Variants in TP53BP1 observed in about 807,000 individuals in gnomAD.
The protein encoded by TP53BP1 is tumor protein p53 binding protein 1.
TP53BP1 carries 61 observed loss-of-function variants against 200.8 expected under a neutral mutation model. That is an observed-to-expected ratio of 0.30 (90% CI 0.25 to 0.38). The LOEUF (loss-of-function observed/expected upper bound fraction) is 0.38. Ranked by LOEUF, TP53BP1 falls within the 10% of genes least tolerant of loss-of-function variation. The pLI, the probability that TP53BP1 is intolerant of heterozygous loss-of-function variation, is 1.00. For missense variants in TP53BP1, 2,144 were observed against 2,371.9 expected, an observed-to-expected ratio of 0.90 and a Z score of 2.00; for synonymous variants, 822 against 844.3, an observed-to-expected ratio of 0.97 and a Z score of 0.46.
At chr15:43,494,654 A>C (rs1176209014), upstream of TP53BP1, among the ~76,000 whole-genome samples, 2 of 152,172 alleles carry the variant, frequency 1.3e-5, no homozygotes, top group African/African-American at 4.8e-5. Context: ...CAAATCTAAT[A>C]CTTAAAGACC....
At chr15:43,460,896 C>A (rs1355963128) in intron 11 of TP53BP1, among the ~76,000 whole-genome samples, 2 of 151,146 alleles carry the variant, frequency 1.3e-5, no homozygotes, top group Admixed American at 1.3e-4. Flanking sequence ...TGTGGTGGCA[C>A]ACGTCTGTGG....
chr15:43,467,407 C>T (rs1299321070), intron 11 of TP53BP1, among the ~76,000 whole-genome samples: 1 of 152,128 alleles, frequency 6.6e-6, no homozygotes, highest in Non-Finnish European at 1.5e-5. Context: ...GCATGGACTG[C>T]ACTGGCTAAG....
intron 18 of TP53BP1, among the ~76,000 whole-genome samples, chr15:43,427,113 T>A (rs2045558347): frequency 6.6e-6 from 1 of 152,128 alleles, no homozygotes; most frequent in Non-Finnish European, 1.5e-5. Flanking sequence ...TCCCAGATCT[T>A]TAATTCTAGA....
chr15:43,486,792 T>A (rs2140142693), intron 4 of TP53BP1, among the ~76,000 whole-genome samples: 1 of 152,180 alleles, frequency 6.6e-6, no homozygotes, highest in African/African-American at 2.4e-5. Context: ...CCCAGCTAAT[T>A]TTTTTGTATT....
rs757537276 is a variant in TP53BP1, at chr15:43,404,463, G to C, written c.*2920C>G. ...TGTTCAAGATTCTCTCCAGTGTTCG[G>C]AATCATCAGATCAACTCAGATTTGG... On this transcript the variant is annotated 3_prime_UTR_variant, in exon 28 of 28. Transcript: ENST00000382044. 6 of 1,613,994 alleles carry C rather than the reference G, an allele frequency of 3.7e-6. No individual in the cohort carries two copies. The African/African-American group carries it at 8.0e-5, about 22-fold the overall frequency.
intron 26 of TP53BP1, chr15:43,408,683 T>C (rs748030890): frequency 3.6e-6 from 2 of 562,748 alleles, no homozygotes; most frequent in East Asian, 3.0e-5. Flanking sequence ...ATTGAACCTA[T>C]ATACAAATCT....
At chr15:43,444,457 A>G (rs1231870939) in intron 14 of TP53BP1, among the ~76,000 whole-genome samples, 1 of 152,182 alleles carries the variant, frequency 6.6e-6, no homozygotes, top group African/African-American at 2.4e-5. Flanking sequence ...GGATGGAACC[A>G]TGTAATACTT....
chr15:43,428,267 G>C, intron 17 of TP53BP1, 99 bp from the exon 18 acceptor site: 1 of 1,039,876 alleles, frequency 9.6e-7, no homozygotes, highest in South Asian at 1.6e-5. Context: ...GAGGCTCCAT[G>C]AATCTAGTGT....
Position 43,448,146 on chromosome 15 carries a change from C to T in TP53BP1, c.2717-661G>A, listed in dbSNP as rs562004920. On this transcript the variant is annotated intron_variant, in intron 12 of 27. Transcript: ENST00000382044. ...CAACAGTAAATCCCTCATATATAAG[C>T]ATCACCAGTGTACACATTTTAGTTA... 5.9e-5 allele frequency among the ~76,000 whole-genome samples: 9 copies of T among 152,238 alleles called. No homozygotes were observed. The South Asian group carries it at 1.9e-3, about 32-fold the overall frequency.
intron 12 of TP53BP1, among the ~76,000 whole-genome samples, chr15:43,448,733 G>C (rs1238527844): frequency 6.6e-6 from 1 of 151,916 alleles, no homozygotes; most frequent in Non-Finnish European, 1.5e-5. Flanking sequence ...TAGAGATGGG[G>C]TTTCAAGAGA....
chr15:43,475,190 C>G (rs917179390), intron 9 of TP53BP1, among the ~76,000 whole-genome samples: 3 of 152,176 alleles, frequency 2.0e-5, no homozygotes, highest in African/African-American at 7.2e-5. Context: ...ACAAGCGAAC[C>G]TCTTTGCCCT....
At chr15:43,499,925 T>C (rs1177038547) in intron 1 of TP53BP1, among the ~76,000 whole-genome samples, 1 of 152,196 alleles carries the variant, frequency 6.6e-6, no homozygotes, top group Admixed American at 6.5e-5. Context: ...AAAAGTTCTG[T>C]AGGAATTGTG....
At chr15:43,410,340 T>C (rs2142949419) in intron 24 of TP53BP1, among the ~76,000 whole-genome samples, 1 of 152,314 alleles carries the variant, frequency 6.6e-6, no homozygotes, top group Middle Eastern at 3.4e-3. Context: ...TTTCAACCTT[T>C]TTATTGAAAA....
intron 8 of TP53BP1, among the ~76,000 whole-genome samples, chr15:43,476,703 A>G (rs1421169835): frequency 6.6e-6 from 1 of 152,228 alleles, no homozygotes; most frequent in Non-Finnish European, 1.5e-5. Context: ...CCTGTATCAC[A>G]GCATAGCAAA....
chr15:43,498,654 G>C (rs2079193633), intron 1 of TP53BP1, among the ~76,000 whole-genome samples: 1 of 152,160 alleles, frequency 6.6e-6, no homozygotes, highest in Admixed American at 6.5e-5. Flanking sequence ...AGATGATCCA[G>C]AACTGAATCC....
In TP53BP1 at chr15:43,404,247, T is replaced by C. The variant is rs1253584262; in HGVS notation, c.*3136A>G. ...GGAAGTCATGCATGTATGGATTTGG[T>C]ACAAGTCATTTTAGGAACTAATAGA... On this transcript the variant is annotated 3_prime_UTR_variant, in exon 28 of 28. Coordinates refer to ENST00000382044, the MANE Select transcript of TP53BP1 (RefSeq NM_001141980.3). The C allele has an allele frequency of 2.7e-6, 2 of 730,548 alleles. No individual in the cohort carries two copies. The highest frequency in any genetic ancestry group is 4.4e-6 in the Non-Finnish European group (2 of 457,200). 45.3% of individuals were successfully genotyped at this position (730,548 alleles called of 1,614,324 possible).
intron 8 of TP53BP1, 32 bp downstream of exon 8, chr15:43,477,561 G>A: frequency 6.4e-7 from 1 of 1,568,732 alleles, no homozygotes; most frequent in Non-Finnish European, 8.6e-7. Context: ...GATCTTTGGA[G>A]AAGAGCTGTA....
intron 12 of TP53BP1, among the ~76,000 whole-genome samples, chr15:43,451,794 C>T (rs1383282738): frequency 6.6e-6 from 1 of 152,134 alleles, no homozygotes; most frequent in African/African-American, 2.4e-5. Flanking sequence ...AGTTTACAGT[C>T]CCACCAACAG....
chr15:43,485,863 A>G (rs952783851), intron 4 of TP53BP1, among the ~76,000 whole-genome samples: 12 of 152,158 alleles, frequency 7.9e-5, no homozygotes, highest in Admixed American at 3.3e-4. Context: ...AAAAAAGAAA[A>G]TACTCAAAAA....
Sources: gnomAD v4.1 joint callset for allele counts (sites outside exome capture counted in the v4.1 genomes callset) on GRCh38, gnomAD v4.1.1 for gene constraint, MANE v1.5 for transcripts, NCBI Gene and HGNC (gene_info 2026-07-23, HGNC 2026-07-21) for gene names.